The following SLC4A5 variants were observed in gnomAD, a reference collection of about 807,000 sequenced individuals.
SLC4A5 encodes solute carrier family 4 member 5.
SLC4A5 carries 96 observed loss-of-function variants against 120.4 expected under a neutral mutation model. The observed-to-expected ratio is 0.80, with a 90% confidence interval of 0.68 to 0.94. The LOEUF (loss-of-function observed/expected upper bound fraction) is 0.94. Among genes scored for constraint, SLC4A5 ranks in the 40% least tolerant of loss-of-function variants. The pLI, the probability that SLC4A5 is intolerant of heterozygous loss-of-function variation, is 0.00. For synonymous variants in SLC4A5, 550 were observed against 571.1 expected, an observed-to-expected ratio of 0.96 and a Z score of 0.53; for missense variants, 1,259 against 1,459.5, an observed-to-expected ratio of 0.86 and a Z score of 2.24.
chr2:74,308,502 T>C (rs181606961), intron 6 of SLC4A5, among the ~76,000 whole-genome samples: 76 of 152,358 alleles, frequency 5.0e-4, no homozygotes, highest in African/African-American at 1.7e-3. Context: ...TATATGCTTA[T>C]TTGCCATCTG....
At chr2:74,253,026 C>T (rs771163127) in exon 15 of SLC4A5, 101 of 1,614,078 alleles carry the variant, frequency 6.3e-5, no homozygotes, top group Non-Finnish European at 8.1e-5. Flanking sequence ...ATATTTGGGT[C>T]CCATTCTCCA....
chr2:74,260,261 A>G (rs1216772042), intron 11 of SLC4A5, among the ~76,000 whole-genome samples: 1 of 152,102 alleles, frequency 6.6e-6, no homozygotes, highest in Non-Finnish European at 1.5e-5. Context: ...TGTCTCGGCT[A>G]TTGGCCTGTG....
At chr2:74,328,238 G>T in intron 4 of SLC4A5, 52 bp from the exon 5 acceptor site, 1 of 972,770 alleles carries the variant, frequency 1.0e-6, no homozygotes, top group Non-Finnish European at 1.2e-6. Flanking sequence ...AACAGTATTT[G>T]GGGCATTGGA....
At chr2:74,252,826 G>C in intron 15 of SLC4A5, 148 bp downstream of exon 15, 1 of 935,880 alleles carries the variant, frequency 1.1e-6, no homozygotes, top group East Asian at 2.6e-5. Flanking sequence ...GGGCTCAAGT[G>C]ATCCACCTGC....
At chr2:74,221,073 G>A (rs967308725) in intron 30 of SLC4A5, among the ~76,000 whole-genome samples, 1 of 152,050 alleles carries the variant, frequency 6.6e-6, no homozygotes, top group Non-Finnish European at 1.5e-5. Flanking sequence ...TCGATCTCCT[G>A]ACCTCGTGAT....
chr2:74,321,323 A>C (rs2104316132), intron 5 of SLC4A5, among the ~76,000 whole-genome samples: 1 of 152,306 alleles, frequency 6.6e-6, no homozygotes, highest in South Asian at 2.1e-4. Flanking sequence ...GAAGAGCTAC[A>C]GGAGAAAGAA....
At chr2:74,292,190 C>T (rs1329291377) in intron 7 of SLC4A5, among the ~76,000 whole-genome samples, 1 of 152,216 alleles carries the variant, frequency 6.6e-6, no homozygotes, top group African/African-American at 2.4e-5. Context: ...CACTCGTGTA[C>T]ACCAGTCACT....
intron 6 of SLC4A5, among the ~76,000 whole-genome samples, chr2:74,314,596 T>G (rs1292474136): frequency 6.6e-6 from 1 of 152,230 alleles, no homozygotes; most frequent in South Asian, 2.1e-4. Flanking sequence ...CCTCTTGCAC[T>G]GGTTTTAATT....
intron 16 of SLC4A5, 23 bp from the exon 17 acceptor site, chr2:74,250,540 C>G (rs779926162): frequency 6.2e-7 from 1 of 1,613,482 alleles, no homozygotes; most frequent in Non-Finnish European, 8.5e-7. Flanking sequence ...GGCCCAGGGG[C>G]TGCTTTCTCA....
intron 5 of SLC4A5, among the ~76,000 whole-genome samples, chr2:74,326,560 C>A (rs1361820674): frequency 6.6e-6 from 1 of 152,212 alleles, no homozygotes; most frequent in East Asian, 1.9e-4. Flanking sequence ...GTGGCTCACG[C>A]CTGTAATCCC....
At chr2:74,295,633 CAAAAACA>C (rs1392832373) in intron 7 of SLC4A5, among the ~76,000 whole-genome samples, 2 of 151,700 alleles carry the variant, frequency 1.3e-5, no homozygotes, top group Non-Finnish European at 2.9e-5. Context: ...GACTCCTTCT[CAAAAACA>C]AAAAACACAA....
chr2:74,312,243 ATGTGTGTGTGTGTGTG>A (rs111417670), intron 6 of SLC4A5, among the ~76,000 whole-genome samples: 2 of 139,352 alleles, frequency 1.4e-5, no homozygotes, highest in African/African-American at 5.1e-5. Context: ...GTGTGTGTAT[ATGTGTGTGTGTGTGTG>A]TGTGTGTGTG....
rs143554334 is a variant in SLC4A5 at position 74,239,814 on chromosome 2, A to C, written c.2119-279T>G. On this transcript the variant is annotated intron_variant, in intron 20 of 30. Transcript: ENST00000394019. ...GCAGGATGCCTGGCTCCCATCAACC[A>C]ACCACAGGTCCTGTGGACGCCTCCT... 3.8e-3 allele frequency among the ~76,000 whole-genome samples: 317 copies of C among 83,650 alleles called. 12 individuals carry two copies. In the East Asian group the frequency reaches 0.095, roughly 25 times the overall value. The allele number at this position is 83,650 out of a possible 152,430, so 54.9% of individuals were successfully genotyped here.
chr2:74,304,397 A>T, intron 7 of SLC4A5, 92 bp downstream of exon 7: 1 of 1,318,950 alleles, frequency 7.6e-7, no homozygotes, highest in East Asian at 2.4e-5. Context: ...AGCGTTACCC[A>T]CATTCTCCAG....
chr2:74,282,715 C>T (rs995827754), intron 8 of SLC4A5, among the ~76,000 whole-genome samples: 3 of 152,200 alleles, frequency 2.0e-5, no homozygotes, highest in Admixed American at 1.3e-4. Context: ...GGCCATAAGG[C>T]CTTCTTGGCA....
chr2:74,323,805 A>C lies in SLC4A5; in HGVS notation c.-3+4315T>G, dbSNP rs984980719. On this transcript the variant is annotated intron_variant, in intron 5 of 30. Coordinates refer to ENST00000394019, the Ensembl canonical transcript of SLC4A5. ...GATATTCTACATTGGGAGGATAAAA[A>C]AGAGATGTCTGTGGTTGTAAGATAG... Among the ~76,000 whole-genome samples, 3 of 152,238 alleles carry C rather than the reference A, an allele frequency of 2.0e-5. No individual in the cohort carries two copies. The East Asian group carries it at 5.8e-4, about 29-fold the overall frequency.
chr2:74,308,183 A>G (rs1163262315), intron 6 of SLC4A5, among the ~76,000 whole-genome samples: 1 of 152,242 alleles, frequency 6.6e-6, no homozygotes, highest in East Asian at 1.9e-4. Context: ...GTGCAGCTCT[A>G]AACATTCATA....
At chr2:74,222,847 G>C (rs377712289) in intron 29 of SLC4A5, 21 bp downstream of exon 29, 185 of 1,576,918 alleles carry the variant, frequency 1.2e-4, no homozygotes, top group Non-Finnish European at 1.6e-4. Context: ...AGAAGGGAGA[G>C]ACATCATGTG....
intron 8 of SLC4A5, among the ~76,000 whole-genome samples, chr2:74,273,695 T>C (rs1270008792): frequency 6.6e-6 from 1 of 152,254 alleles, no homozygotes; most frequent in East Asian, 1.9e-4. Flanking sequence ...TAACTTCATA[T>C]GAGTCATATC....
Sources: gnomAD v4.1 joint callset for allele counts (sites outside exome capture counted in the v4.1 genomes callset) on GRCh38, gnomAD v4.1.1 for gene constraint, MANE v1.5 for transcripts, NCBI Gene and HGNC (gene_info 2026-07-23, HGNC 2026-07-21) for gene names.